PPP1R12B: variants seen among roughly 807,000 people sequenced by gnomAD.
PPP1R12B encodes the protein myosin phosphatase target subunit 2.
PPP1R12B carries 76 observed loss-of-function variants against 126.1 expected under a neutral mutation model. The ratio of observed to expected loss-of-function variants is 0.60; its 90% confidence interval spans 0.50 to 0.73. PPP1R12B has a LOEUF of 0.73. Ranked by LOEUF, PPP1R12B falls within the 30% of genes least tolerant of loss-of-function variation. The pLI is 0.00. For synonymous variants in PPP1R12B, 356 were observed against 434.7 expected, an observed-to-expected ratio of 0.82 and a Z score of 2.25; for missense variants, 1,052 against 1,205.1, an observed-to-expected ratio of 0.87 and a Z score of 1.88.
intron 9 of PPP1R12B, among the ~76,000 whole-genome samples, chr1:202,437,263 C>T (rs939702618): frequency 6.6e-6 from 1 of 151,950 alleles, no homozygotes; most frequent in African/African-American, 2.4e-5. Context: ...CGCAGGAGGT[C>T]AAGGATGCAG....
chr1:202,455,034 G>C (rs1236155010), intron 13 of PPP1R12B, among the ~76,000 whole-genome samples: 1 of 152,134 alleles, frequency 6.6e-6, no homozygotes, highest in Non-Finnish European at 1.5e-5. Flanking sequence ...TGAAGAGAAG[G>C]GAGTGGGCAT....
chr1:202,457,851 C>A (rs1220199900), intron 13 of PPP1R12B, among the ~76,000 whole-genome samples: 2 of 151,288 alleles, frequency 1.3e-5, no homozygotes, highest in African/African-American at 4.9e-5. Flanking sequence ...ATTCAAGAAA[C>A]AAACAAGTTC....
At chr1:202,488,671 G>A in intron 14 of PPP1R12B, 48 bp downstream of exon 14, 1 of 1,443,886 alleles carries the variant, frequency 6.9e-7, no homozygotes. Flanking sequence ...CTACCCTTCT[G>A]TTGGAGGTAC....
chr1:202,495,161 C>G, intron 15 of PPP1R12B, 132 bp from the exon 16 acceptor site: 1 of 577,566 alleles, frequency 1.7e-6, no homozygotes, highest in South Asian at 5.9e-5. Flanking sequence ...TGCCTATTAC[C>G]AGGTACTCAA....
chr1:202,449,433 A>C (rs35542085), intron 13 of PPP1R12B, among the ~76,000 whole-genome samples: 1 of 151,228 alleles, frequency 6.6e-6, no homozygotes, highest in African/African-American at 2.4e-5. Flanking sequence ...GTGTCACCCC[A>C]CCCGGCTAAT....
At chr1:202,415,977 A>G (rs1668005560) in intron 1 of PPP1R12B, among the ~76,000 whole-genome samples, 1 of 152,170 alleles carries the variant, frequency 6.6e-6, no homozygotes, top group Non-Finnish European at 1.5e-5. Flanking sequence ...TTTTTTAATA[A>G]TAGAGACAGG....
chr1:202,461,511 C>T (rs1460518376), intron 13 of PPP1R12B, among the ~76,000 whole-genome samples: 5 of 152,050 alleles, frequency 3.3e-5, no homozygotes, highest in Non-Finnish European at 7.4e-5. Context: ...CATTAAGATC[C>T]ATTCCTAGCT....
At chr1:202,358,647 A>G (rs1657566997) in intron 1 of PPP1R12B, among the ~76,000 whole-genome samples, 1 of 149,742 alleles carries the variant, frequency 6.7e-6, no homozygotes, top group Non-Finnish European at 1.5e-5. Flanking sequence ...GCACCACTGC[A>G]CTCCAGCCTG....
At chr1:202,552,775 T>C (rs1184591991) in intron 18 of PPP1R12B, among the ~76,000 whole-genome samples, 4 of 152,206 alleles carry the variant, frequency 2.6e-5, no homozygotes, top group Non-Finnish European at 5.9e-5. Flanking sequence ...AAAAGGAACT[T>C]GAGTTAAACC....
At chr1:202,426,543 C>G (rs1214332137) in intron 4 of PPP1R12B, among the ~76,000 whole-genome samples, 1 of 152,072 alleles carries the variant, frequency 6.6e-6, no homozygotes, top group Non-Finnish European at 1.5e-5. Context: ...AACCAGAAGG[C>G]TAGTTGGGAA....
intron 2 of PPP1R12B, among the ~76,000 whole-genome samples, chr1:202,421,469 T>G (rs975088725): frequency 6.6e-5 from 10 of 151,676 alleles, no homozygotes; most frequent in African/African-American, 2.2e-4. Flanking sequence ...ACACACCATC[T>G]CTACTAAAAA....
chr1:202,574,964 CT>C, intron 23 of PPP1R12B: 1 of 1,542,686 alleles, frequency 6.5e-7, no homozygotes, highest in African/African-American at 1.4e-5. Flanking sequence ...CTCTCTCTGT[CT>C]TTTCTGTCTG....
intron 18 of PPP1R12B, among the ~76,000 whole-genome samples, chr1:202,512,593 T>A (rs936577711): frequency 1.6e-4 from 25 of 152,208 alleles, no homozygotes; most frequent in Non-Finnish European, 3.1e-4. Flanking sequence ...TATCCTTGTT[T>A]TGTAGGCTTG....
At chr1:202,402,213 C>T (rs1665948247) in intron 1 of PPP1R12B, among the ~76,000 whole-genome samples, 2 of 152,196 alleles carry the variant, frequency 1.3e-5, no homozygotes, top group African/African-American at 4.8e-5. Flanking sequence ...GAGGTTTCTA[C>T]CTTTTTGCTA....
At chr1:202,575,258 T>C in intron 23 of PPP1R12B, 1 of 1,366,884 alleles carries the variant, frequency 7.3e-7, no homozygotes, top group Non-Finnish European at 9.8e-7. Context: ...TGCAGGTTCC[T>C]GCAAAGCTTG....
chr1:202,420,732 C>T (rs1040013241), intron 2 of PPP1R12B, among the ~76,000 whole-genome samples: 8 of 151,996 alleles, frequency 5.3e-5, no homozygotes, highest in African/African-American at 1.9e-4. Context: ...ATTAAGAATA[C>T]AAATAGAGGG....
chr1:202,471,018 G>A (rs889258840), intron 13 of PPP1R12B, among the ~76,000 whole-genome samples: 6 of 152,030 alleles, frequency 3.9e-5, no homozygotes, highest in African/African-American at 1.4e-4. Context: ...CAGTTATTAA[G>A]AATAAAATAT....
intron 1 of PPP1R12B, among the ~76,000 whole-genome samples, chr1:202,350,248 T>A (rs1655695684): frequency 6.6e-6 from 1 of 152,218 alleles, no homozygotes; most frequent in Non-Finnish European, 1.5e-5. Context: ...TACCCATTTT[T>A]TTTTCCTGCT....
At chr1:202,504,553 A>G (rs1680609017) in intron 18 of PPP1R12B, among the ~76,000 whole-genome samples, 1 of 152,244 alleles carries the variant, frequency 6.6e-6, no homozygotes, top group Admixed American at 6.5e-5. Context: ...CCTAGTTAAC[A>G]CTGTCATTTT....
Sources: allele counts gnomAD v4.1 joint callset (sites outside exome capture counted in the v4.1 genomes callset), GRCh38; gene constraint gnomAD v4.1.1; transcripts MANE v1.5; gene names NCBI Gene and HGNC (gene_info 2026-07-23, HGNC 2026-07-21).